The following RGS6 variants were observed in gnomAD, a reference collection of about 807,000 sequenced individuals.
RGS6 encodes regulator of G protein signaling 6, also known as regulator of G-protein signaling 6.
A neutral mutation model predicts 78.5 loss-of-function variants in RGS6; 30 were observed. The ratio of observed to expected loss-of-function variants is 0.38; its 90% CI spans 0.29 to 0.52. The LOEUF is 0.52. Among genes scored for constraint, RGS6 ranks in the 20% least tolerant of loss-of-function variants. RGS6 has a pLI of 0.85. For missense variants in RGS6, 495 were observed against 609.7 expected (o/e 0.81, Z 1.98); for synonymous variants, 206 against 206.0 (o/e 1.00, Z 0.00).
chr14:72,345,898 G>A (rs562316122), intron 2 of RGS6, among the ~76,000 whole-genome samples: 1 of 152,316 alleles, frequency 6.6e-6, no homozygotes, highest in South Asian at 2.1e-4. Context: ...ATATGGGGCA[G>A]AGCCTGCTCA....
At chr14:72,345,919 C>T (rs1263151583) in intron 2 of RGS6, among the ~76,000 whole-genome samples, 1 of 152,182 alleles carries the variant, frequency 6.6e-6, no homozygotes, top group Admixed American at 6.5e-5. Flanking sequence ...ATGAAGCATG[C>T]ACATTTTGGA....
chr14:72,069,954 C>T (rs1054188364), intron 2 of RGS6, among the ~76,000 whole-genome samples: 3 of 152,220 alleles, frequency 2.0e-5, no homozygotes, highest in Non-Finnish European at 4.4e-5. Context: ...CTTGGAATCA[C>T]CTTCTTCAAC....
At chr14:72,096,280 T>TA (rs34691700) in intron 2 of RGS6, among the ~76,000 whole-genome samples, 14,690 of 144,100 alleles carry the variant, frequency 0.1, 2,046 homozygotes, top group African/African-American at 0.32. Flanking sequence ...GACTCTGTCT[T>TA]AAAAAAAAAA....
intron 2 of RGS6, among the ~76,000 whole-genome samples, chr14:72,006,228 T>C (rs946881533): frequency 6.6e-6 from 1 of 152,194 alleles, no homozygotes; most frequent in Non-Finnish European, 1.5e-5. Flanking sequence ...CTTCTCCTTA[T>C]GTTTATTATG....
chr14:72,033,196 A>G (rs2091179833), intron 2 of RGS6, among the ~76,000 whole-genome samples: 1 of 152,180 alleles, frequency 6.6e-6, no homozygotes, highest in African/African-American at 2.4e-5. Flanking sequence ...TAAATACTGT[A>G]CCAATAGTAA....
At chr14:72,264,103 T>C (rs769447993) in intron 2 of RGS6, among the ~76,000 whole-genome samples, 62 of 152,346 alleles carry the variant, frequency 4.1e-4, no homozygotes, top group Non-Finnish European at 7.8e-4. Flanking sequence ...AGTAGCCTTA[T>C]ATCAGTTCAG....
At chr14:72,320,171 A>G (rs1475515409) in intron 2 of RGS6, among the ~76,000 whole-genome samples, 3 of 152,230 alleles carry the variant, frequency 2.0e-5, no homozygotes, top group Non-Finnish European at 2.9e-5. Context: ...GTGAAAAAGT[A>G]TGTGGCCTTA....
intron 1 of RGS6, among the ~76,000 whole-genome samples, chr14:71,944,379 C>T (rs2091152754): frequency 6.6e-6 from 1 of 152,124 alleles, no homozygotes; most frequent in Non-Finnish European, 1.5e-5. Context: ...CATTGAGGAG[C>T]CAAGATTTAA....
chr14:72,594,695 A>G, the RGS6 span: 1 of 152,192 alleles, frequency 6.6e-6, no homozygotes, highest in African/African-American at 2.4e-5. Flanking sequence ...TGCATATTTA[A>G]AAGTTAATTG....
chr14:72,519,064 G>A (rs1412221331), intron 15 of RGS6, among the ~76,000 whole-genome samples: 3 of 152,230 alleles, frequency 2.0e-5, no homozygotes, highest in Admixed American at 6.5e-5. Flanking sequence ...TGTTCTCACC[G>A]AGGTTGAGTG....
At chr14:72,236,031 G>A (rs947338052) in intron 2 of RGS6, among the ~76,000 whole-genome samples, 2 of 152,170 alleles carry the variant, frequency 1.3e-5, no homozygotes, top group African/African-American at 4.8e-5. Flanking sequence ...CAATTTTCAT[G>A]ATGCATTGAA....
intron 2 of RGS6, among the ~76,000 whole-genome samples, chr14:72,118,913 C>T (rs1746165716): frequency 6.6e-6 from 1 of 152,162 alleles, no homozygotes; most frequent in Non-Finnish European, 1.5e-5. Flanking sequence ...TCTAAAGTTT[C>T]CTTTTTCCCA....
chr14:72,258,406 T>C (rs1410386173), intron 2 of RGS6, among the ~76,000 whole-genome samples: 2 of 152,230 alleles, frequency 1.3e-5, no homozygotes, highest in African/African-American at 2.4e-5. Flanking sequence ...AGGAGCATGC[T>C]GTACTGCACA....
intron 2 of RGS6, among the ~76,000 whole-genome samples, chr14:72,272,372 T>C (rs1179590575): frequency 6.6e-6 from 1 of 152,164 alleles, no homozygotes; most frequent in African/African-American, 2.4e-5. Context: ...GATTTTAGCT[T>C]CTCTCCTTCA....
intron 3 of RGS6, among the ~76,000 whole-genome samples, chr14:72,414,880 C>T (rs58213251): frequency 0.033 from 5,011 of 152,228 alleles, 102 homozygotes; most frequent in African/African-American, 0.052. Flanking sequence ...ATTGGTGAAC[C>T]GCAAGTGCTG....
intron 15 of RGS6, among the ~76,000 whole-genome samples, chr14:72,523,759 C>A (rs574772620): frequency 1.3e-5 from 2 of 152,286 alleles, no homozygotes; most frequent in African/African-American, 4.8e-5. Flanking sequence ...GACCATAGTC[C>A]TCAGCTGTTT....
chr14:72,286,647 G>T (rs1358510304), intron 2 of RGS6, among the ~76,000 whole-genome samples: 1 of 152,046 alleles, frequency 6.6e-6, no homozygotes, highest in Non-Finnish European at 1.5e-5. Context: ...CAAACACAGG[G>T]TATCTTTCCA....
intron 17 of RGS6, among the ~76,000 whole-genome samples, chr14:72,557,591 G>A (rs723943): frequency 0.15 from 22,453 of 151,948 alleles, 1,987 homozygotes; most frequent in African/African-American, 0.25. Context: ...AATTCCACAC[G>A]TATACATCCT....
At chr14:72,209,806 T>G (rs1448068671) in intron 2 of RGS6, among the ~76,000 whole-genome samples, 1 of 152,146 alleles carries the variant, frequency 6.6e-6, no homozygotes, top group East Asian at 1.9e-4. Flanking sequence ...TTCGTATTGT[T>G]TTAGGTTAGT....
Sources: allele counts gnomAD v4.1 joint callset (sites outside exome capture counted in the v4.1 genomes callset), GRCh38; gene constraint gnomAD v4.1.1; transcripts MANE v1.5; gene names NCBI Gene and HGNC (gene_info 2026-07-23, HGNC 2026-07-21).